Variants in FBXO42 observed in about 807,000 individuals in gnomAD.
FBXO42 encodes the protein F-box protein 42, also known as F-box only protein 42.
In FBXO42, 12 loss-of-function variants were observed where a neutral mutation model predicts 71.7. The ratio of observed to expected loss-of-function variants is 0.17; its 90% CI spans 0.11 to 0.27. The LOEUF is 0.27. FBXO42 is among the 10% of genes least tolerant of loss of function. The pLI, the probability that FBXO42 is intolerant of heterozygous loss-of-function variation, is 1.00. For missense variants in FBXO42, 707 were observed against 911.9 expected, an observed-to-expected ratio of 0.78 and a Z score of 2.89; for synonymous variants, 325 against 327.5, an observed-to-expected ratio of 0.99 and a Z score of 0.08.
chr1:16,305,080 T>A (rs2082235275), intron 3 of FBXO42, among the ~76,000 whole-genome samples: 1 of 152,154 alleles, frequency 6.6e-6, no homozygotes, highest in Non-Finnish European at 1.5e-5. Flanking sequence ...TTTTACATTC[T>A]CTTCATTAAA....
chr1:16,275,376 G>C (rs2081889185), intron 4 of FBXO42, among the ~76,000 whole-genome samples: 1 of 152,130 alleles, frequency 6.6e-6, no homozygotes, highest in South Asian at 2.1e-4. Flanking sequence ...TCGGTACTTC[G>C]AGAGGCCAAG....
intron 1 of FBXO42, among the ~76,000 whole-genome samples, chr1:16,333,566 G>A (rs1477529577): frequency 6.6e-6 from 1 of 151,972 alleles, no homozygotes; most frequent in Non-Finnish European, 1.5e-5. Context: ...TCCAGCCTGT[G>A]ACAGTGCAAG....
intron 1 of FBXO42, among the ~76,000 whole-genome samples, chr1:16,337,060 G>A (rs1268297169): frequency 2.0e-5 from 3 of 152,162 alleles, no homozygotes; most frequent in African/African-American, 7.2e-5. Flanking sequence ...ATCTAAAATA[G>A]TTTCAGCTAA....
chr1:16,261,315 T>C (rs371520499), intron 4 of FBXO42, among the ~76,000 whole-genome samples: 4 of 152,232 alleles, frequency 2.6e-5, no homozygotes, highest in African/African-American at 9.6e-5. Flanking sequence ...CCAGTGATAA[T>C]GATAAATCAA....
At chr1:16,297,904 A>C (rs1372360866) in intron 3 of FBXO42, among the ~76,000 whole-genome samples, 1 of 146,706 alleles carries the variant, frequency 6.8e-6, no homozygotes, top group Non-Finnish European at 1.5e-5. Context: ...CAATGAATCC[A>C]TGGCTCACAT....
At chr1:16,350,756 AAAAAGAAAG>A (rs754521316) in intron 1 of FBXO42, among the ~76,000 whole-genome samples, 1,675 of 128,444 alleles carry the variant, frequency 0.013, 21 homozygotes, top group Non-Finnish European at 0.022. Flanking sequence ...AAAAAAAAAA[AAAAAGAAAG>A]AAAGAAAGAA....
At chr1:16,323,651 G>C (rs554727561) in intron 1 of FBXO42, among the ~76,000 whole-genome samples, 1 of 151,624 alleles carries the variant, frequency 6.6e-6, no homozygotes, top group African/African-American at 2.4e-5. Flanking sequence ...TTAGCCAGGC[G>C]TGGTGGTGTG....
chr1:16,254,183 G>T (rs2081617512), intron 6 of FBXO42, among the ~76,000 whole-genome samples: 1 of 152,148 alleles, frequency 6.6e-6, no homozygotes, highest in African/African-American at 2.4e-5. Flanking sequence ...AGCCACGTCT[G>T]CGGCCAGACA....
intron 4 of FBXO42, among the ~76,000 whole-genome samples, chr1:16,289,948 A>G (rs1157990564): frequency 2.0e-5 from 3 of 152,048 alleles, no homozygotes; most frequent in Non-Finnish European, 4.4e-5. Context: ...TCTATACTTC[A>G]TTCCGTTTGT....
intron 1 of FBXO42, among the ~76,000 whole-genome samples, chr1:16,351,847 C>T (rs1414165194): frequency 6.6e-6 from 1 of 152,142 alleles, no homozygotes; most frequent in Non-Finnish European, 1.5e-5. Context: ...GAGATGCTAG[C>T]CCCCAGCCGC....
chr1:16,253,241 T>G, intron 7 of FBXO42, 89 bp from the exon 8 acceptor site: 1 of 1,131,054 alleles, frequency 8.8e-7, no homozygotes, highest in Non-Finnish European at 1.3e-6. Flanking sequence ...ATAGCCTACC[T>G]AGCTCCCAAA....
chr1:16,285,529 C>T (rs141620630), intron 4 of FBXO42, among the ~76,000 whole-genome samples: 4,043 of 152,216 alleles, frequency 0.027, 183 homozygotes, highest in African/African-American at 0.09. Flanking sequence ...GCCTTGGCCT[C>T]CCAAAGTACT....
intron 4 of FBXO42, among the ~76,000 whole-genome samples, chr1:16,270,411 G>A (rs1355092060): frequency 6.6e-6 from 1 of 152,074 alleles, no homozygotes; most frequent in African/African-American, 2.4e-5. Context: ...ATTTAATTAG[G>A]CCTAACAACT....
At chr1:16,273,739 T>C (rs962288781) in intron 4 of FBXO42, among the ~76,000 whole-genome samples, 10 of 151,812 alleles carry the variant, frequency 6.6e-5, no homozygotes, top group Non-Finnish European at 7.4e-5. Flanking sequence ...ATTAACCGGG[T>C]GTGGTGATGC....
chr1:16,319,928 G>C (rs888941931), intron 1 of FBXO42, among the ~76,000 whole-genome samples: 2 of 149,648 alleles, frequency 1.3e-5, no homozygotes, highest in Non-Finnish European at 3.0e-5. Context: ...AAAAGAAAAA[G>C]AAAAAGAAAA....
chr1:16,323,794 CAAAAAAAA>C (rs1158421632), intron 1 of FBXO42, among the ~76,000 whole-genome samples: 3 of 63,250 alleles, frequency 4.7e-5, no homozygotes, highest in African/African-American at 2.1e-4. Context: ...GACTCTGTCT[CAAAAAAAA>C]AAAAAAAAAA....
chr1:16,292,615 T>A (rs1442146429), intron 4 of FBXO42: 1 of 151,876 alleles, frequency 6.6e-6, no homozygotes, highest in East Asian at 1.9e-4. Context: ...GTCTTTAAAC[T>A]TGATGGTTTA....
At chr1:16,267,742 A>G (rs1024646414) in intron 4 of FBXO42, among the ~76,000 whole-genome samples, 1 of 152,158 alleles carries the variant, frequency 6.6e-6, no homozygotes, top group Non-Finnish European at 1.5e-5. Flanking sequence ...ACTTGTCTGG[A>G]TCTCAGGATT....
intron 4 of FBXO42, among the ~76,000 whole-genome samples, chr1:16,285,858 T>G (rs898485051): frequency 3.9e-5 from 6 of 152,000 alleles, no homozygotes; most frequent in Non-Finnish European, 8.8e-5. Flanking sequence ...CCTTACACCA[T>G]TCTCTTTTTT....
Sources: gnomAD v4.1 joint callset for allele counts (sites outside exome capture counted in the v4.1 genomes callset) on GRCh38, gnomAD v4.1.1 for gene constraint, MANE v1.5 for transcripts, NCBI Gene and HGNC (gene_info 2026-07-23, HGNC 2026-07-21) for gene names.